The following RABGAP1L variants were observed in gnomAD, a reference collection of about 807,000 sequenced individuals.
RABGAP1L encodes RAB GTPase activating protein 1 like.
RABGAP1L carries 63 observed loss-of-function variants against 137.7 expected under a neutral mutation model. The observed-to-expected ratio is 0.46, with a 90% confidence interval of 0.37 to 0.56. RABGAP1L has a LOEUF of 0.56. Among genes scored for constraint, RABGAP1L ranks in the 20% least tolerant of loss-of-function variants. RABGAP1L has a pLI of 0.00. For missense variants in RABGAP1L, 1,095 were observed against 1,244.0 expected, an observed-to-expected ratio of 0.88 and a Z score of 1.80; for synonymous variants, 431 against 433.7, an observed-to-expected ratio of 0.99 and a Z score of 0.08.
chr1:174,703,428 T>A (rs921713666), intron 17 of RABGAP1L, among the ~76,000 whole-genome samples: 1 of 152,222 alleles, frequency 6.6e-6, no homozygotes, highest in South Asian at 2.1e-4. Flanking sequence ...TACTCTTTTT[T>A]TTGGCTGAAT....
rs749270955 is a variant in RABGAP1L at position 174,689,054 on chromosome 1, AC to A, written c.1899+5460del. Among the ~76,000 whole-genome samples, 68 of 152,232 alleles carry A rather than the reference AC, an allele frequency of 4.5e-4. 1 individual carries two copies. Among genetic ancestry groups the A allele is most frequent in the Admixed American group, 1.8e-3 (28 of 15,292 alleles). On this transcript the variant is annotated intron_variant, in intron 15 of 25. Transcript: ENST00000681986. ...GCTATCGACAGTATTCTCTTTCTTA[AC>A]CTAGATAGTGGTTACATGCATCCTT...
intron 18 of RABGAP1L, among the ~76,000 whole-genome samples, chr1:174,783,612 C>T (rs1449090162): frequency 6.6e-6 from 1 of 151,926 alleles, no homozygotes. Flanking sequence ...AATCTGTATT[C>T]ATCTTCAATT....
intron 18 of RABGAP1L, among the ~76,000 whole-genome samples, chr1:174,788,888 AT>A (rs1687650955): frequency 6.6e-6 from 1 of 151,850 alleles, no homozygotes; most frequent in African/African-American, 2.4e-5. Context: ...ATTTTTTTGT[AT>A]TTTTAGTAGA....
At chr1:174,465,209 A>AT (rs1296623790) in intron 13 of RABGAP1L, among the ~76,000 whole-genome samples, 2 of 151,692 alleles carry the variant, frequency 1.3e-5, no homozygotes, top group East Asian at 1.9e-4. Context: ...TTTATTGAGC[A>AT]TTTTTTTTGA....
At chr1:174,827,678 A>AT (rs59211362) in intron 19 of RABGAP1L, among the ~76,000 whole-genome samples, 124,369 of 143,716 alleles carry the variant, frequency 0.87, 57,415 homozygotes, top group Non-Finnish European at 1. Context: ...AAAAGATCCT[A>AT]TTTTTTTTTA....
At chr1:174,806,931 G>A (rs550932410) in intron 18 of RABGAP1L, among the ~76,000 whole-genome samples, 3 of 152,132 alleles carry the variant, frequency 2.0e-5, no homozygotes, top group South Asian at 4.2e-4. Flanking sequence ...GATTACAGGC[G>A]TGTGCCACTA....
Position 174,221,005 on chromosome 1 carries a change from G to A in RABGAP1L, c.172G>A (p.Ala58Thr), listed in dbSNP as rs1451450861. The A allele has an allele frequency of 2.5e-6, 4 of 1,611,936 alleles. No individual in the cohort carries two copies. Among genetic ancestry groups the A allele is most frequent in the Non-Finnish European group, 3.4e-6 (4 of 1,178,984 alleles). Residue 58 changes from alanine (A) to threonine (T), a missense_variant, in exon 3 of 26, where the codon GCC becomes ACC. Around this residue, in one of 4 missense-constraint regions of RABGAP1L, gnomAD observed 356 missense variants for 326.3 expected, o/e 1.09. Coordinates refer to ENST00000681986, the MANE Select transcript of RABGAP1L (RefSeq NM_001366446.1). Reference protein sequence around the residue: ...VSNGDEQLEKAMEEILRDSEK... With the variant: ...VSNGDEQLEKTMEEILRDSEK... ...TAATGGTGATGAACAATTGGAAAAA[G>A]CCATGGAAGAGATTTTGAGAGATTC...
chr1:174,361,864 A>G (rs189266246), intron 11 of RABGAP1L, among the ~76,000 whole-genome samples: 1 of 152,302 alleles, frequency 6.6e-6, no homozygotes, highest in African/African-American at 2.4e-5. Flanking sequence ...TTTGTTGTAC[A>G]GATTATTTAA....
intron 1 of RABGAP1L, among the ~76,000 whole-genome samples, chr1:174,218,686 G>GT (rs777218433): frequency 4.0e-4 from 60 of 151,624 alleles, no homozygotes; most frequent in Middle Eastern, 6.8e-3. Flanking sequence ...GAGGAGATAA[G>GT]TTTTTTTTTG....
chr1:174,870,470 G>A (rs1421597041), intron 19 of RABGAP1L, among the ~76,000 whole-genome samples: 1 of 152,088 alleles, frequency 6.6e-6, no homozygotes, highest in Non-Finnish European at 1.5e-5. Flanking sequence ...GCAGTGTTTG[G>A]CACATGGCTA....
chr1:174,246,288 C>A (rs925991428), intron 5 of RABGAP1L: 1 of 152,182 alleles, frequency 6.6e-6, no homozygotes. Flanking sequence ...TCTATAGATA[C>A]TGTTTTCTGG....
At chr1:174,520,999 CA>C (rs1004905692) in intron 13 of RABGAP1L, among the ~76,000 whole-genome samples, 1 of 151,658 alleles carries the variant, frequency 6.6e-6, no homozygotes, top group Non-Finnish European at 1.5e-5. Context: ...GACTCTGTTG[CA>C]AAAAAACAGT....
chr1:174,596,320 G>T (rs1669912100), intron 13 of RABGAP1L, among the ~76,000 whole-genome samples: 1 of 151,836 alleles, frequency 6.6e-6, no homozygotes, highest in Non-Finnish European at 1.5e-5. Flanking sequence ...CTTCTGCGTG[G>T]CTCACGCTGG....
chr1:174,291,102 C>T (rs1571939658), intron 10 of RABGAP1L, among the ~76,000 whole-genome samples: 1 of 152,282 alleles, frequency 6.6e-6, no homozygotes, highest in Non-Finnish European at 1.5e-5. Context: ...ATCATGTTGT[C>T]TGCCAATAAA....
intron 15 of RABGAP1L, among the ~76,000 whole-genome samples, chr1:174,698,868 T>C (rs1679444798): frequency 6.6e-6 from 1 of 152,158 alleles, no homozygotes; most frequent in Admixed American, 6.5e-5. Context: ...GGAGAAATTA[T>C]TTAGAGTAGA....
intron 14 of RABGAP1L, among the ~76,000 whole-genome samples, chr1:174,652,381 T>C (rs1675588776): frequency 6.6e-6 from 1 of 151,942 alleles, no homozygotes; most frequent in South Asian, 2.1e-4. Context: ...AGAAGAGGTG[T>C]TCTGGTTTTT....
chr1:174,647,977 T>G (rs959960854), intron 14 of RABGAP1L, among the ~76,000 whole-genome samples: 1 of 152,152 alleles, frequency 6.6e-6, no homozygotes, highest in Non-Finnish European at 1.5e-5. Context: ...CTTCTAGATT[T>G]TCTAGTTTAT....
intron 13 of RABGAP1L, among the ~76,000 whole-genome samples, chr1:174,503,963 CTTTT>C (rs201017645): frequency 8.6e-6 from 1 of 116,164 alleles, no homozygotes; most frequent in Non-Finnish European, 1.7e-5. Context: ...TCAATAGACT[CTTTT>C]TTTTTTCTTT....
intron 7 of RABGAP1L, among the ~76,000 whole-genome samples, chr1:174,271,230 C>T (rs1674533530): frequency 6.6e-6 from 1 of 152,036 alleles, no homozygotes; most frequent in African/African-American, 2.4e-5. Context: ...CAGAAGGAAG[C>T]CTTGAACAAG....
Sources: allele counts gnomAD v4.1 joint callset (sites outside exome capture counted in the v4.1 genomes callset), GRCh38; gene constraint gnomAD v4.1.1; regional missense constraint gnomAD v4.1.1; transcripts MANE v1.5; gene names NCBI Gene and HGNC (gene_info 2026-07-23, HGNC 2026-07-21).